Variants in NELL2 observed in about 807,000 individuals in gnomAD.
The protein encoded by NELL2 is neural EGFL like 2.
NELL2 carries 41 observed loss-of-function variants against 109.6 expected under a neutral mutation model. The ratio of observed to expected loss-of-function variants is 0.37; its 90% CI spans 0.29 to 0.49. NELL2 has a LOEUF of 0.49. NELL2 is among the 20% of genes least tolerant of loss of function. The pLI is 0.98. For synonymous variants in NELL2, 355 were observed against 344.7 expected, an observed-to-expected ratio of 1.03 and a Z score of -0.33; for missense variants, 900 against 1,008.3, an observed-to-expected ratio of 0.89 and a Z score of 1.45.
At chr12:44,918,977 A>T (rs1480344204), upstream of NELL2, among the ~76,000 whole-genome samples, 1 of 152,214 alleles carries the variant, frequency 6.6e-6, no homozygotes, top group Non-Finnish European at 1.5e-5. Flanking sequence ...CACAATTAAC[A>T]TGCTAAGAAT....
chr12:44,664,597 A>G (rs1947859210), intron 13 of NELL2, among the ~76,000 whole-genome samples: 1 of 152,256 alleles, frequency 6.6e-6, no homozygotes, highest in South Asian at 2.1e-4. Context: ...CCCTGAAAAC[A>G]TCTAGGTTTT....
At chr12:44,704,471 T>C (rs1270873099) in intron 11 of NELL2, among the ~76,000 whole-genome samples, 2 of 152,194 alleles carry the variant, frequency 1.3e-5, no homozygotes, top group Non-Finnish European at 2.9e-5. Context: ...TCAGAGTCTT[T>C]ATAAGAGAAA....
At chr12:44,825,466 T>G (rs1943681898) in intron 2 of NELL2, among the ~76,000 whole-genome samples, 1 of 138,754 alleles carries the variant, frequency 7.2e-6, no homozygotes, top group African/African-American at 2.6e-5. Context: ...TGCAATCTCA[T>G]CTCACTGCAA....
chr12:44,555,893 C>A (rs928657340), intron 15 of NELL2, among the ~76,000 whole-genome samples: 12 of 152,136 alleles, frequency 7.9e-5, no homozygotes, highest in Middle Eastern at 3.2e-3. Context: ...GATGTCTAGG[C>A]ACCAGGCACC....
At position 44,508,959 on chromosome 12, in the gene NELL2, T is replaced by C. The variant is rs1485331557; in HGVS notation, c.2426A>G (p.Asp809Gly). 1 of 1,612,838 alleles carries C rather than the reference T, an allele frequency of 6.2e-7. No homozygotes were observed. The highest frequency in any genetic ancestry group is 1.3e-5 in the African/African-American group (1 of 74,836). Reference sequence around the variant, plus strand: ...TCACAGTTCCTGAAGGCACTGTGGATCCACTGAGCAACAGATGTGGCCATT... The same window carrying C: ...TCACAGTTCCTGAAGGCACTGTGGACCCACTGAGCAACAGATGTGGCCATT... The part of the protein sequence containing the change: ...CKNGHICCSV[D>G]PQCLQEL Residue 809 changes from aspartate (D) to glycine (G), a missense_variant, in exon 20 of 20, where the codon GAT (aspartate) becomes GGT (glycine). By Grantham distance (94) the Asp-to-Gly change is moderately conservative. Transcript: ENST00000429094.
chr12:44,681,854 T>C (rs1324809793), intron 12 of NELL2, among the ~76,000 whole-genome samples: 1 of 151,722 alleles, frequency 6.6e-6, no homozygotes, highest in African/African-American at 2.4e-5. Flanking sequence ...TCTCTGCTAT[T>C]GTGAATAATG....
chr12:44,522,213 T>C, intron 17 of NELL2, 37 bp from the exon 18 acceptor site: 2 of 1,596,748 alleles, frequency 1.3e-6, no homozygotes, highest in Admixed American at 1.7e-5. Context: ...ACCAAAAACC[T>C]CCATTTCTCA....
chr12:44,604,816 T>C (rs1945338556), intron 15 of NELL2, among the ~76,000 whole-genome samples: 1 of 152,132 alleles, frequency 6.6e-6, no homozygotes, highest in Non-Finnish European at 1.5e-5. Context: ...ATCAGATTTG[T>C]GCTCTGTTAT....
At chr12:44,723,559 T>C (rs150640103) in intron 9 of NELL2, among the ~76,000 whole-genome samples, 3 of 152,304 alleles carry the variant, frequency 2.0e-5, no homozygotes, top group Admixed American at 6.5e-5. Flanking sequence ...GATTCCTTGA[T>C]TGTGCTTTAT....
chr12:44,545,319 G>T (rs930516900), intron 15 of NELL2, among the ~76,000 whole-genome samples: 1 of 152,018 alleles, frequency 6.6e-6, no homozygotes, highest in African/African-American at 2.4e-5. Context: ...TAGTCCCTCA[G>T]GTCATTTTTT....
At chr12:44,612,964 A>G (rs1945676979) in intron 13 of NELL2, among the ~76,000 whole-genome samples, 3 of 151,998 alleles carry the variant, frequency 2.0e-5, no homozygotes, top group Non-Finnish European at 4.4e-5. Context: ...ATTTACTCTC[A>G]TGGGTACTGA....
chr12:44,692,291 C>T (rs1431523714), intron 12 of NELL2, among the ~76,000 whole-genome samples: 5 of 152,106 alleles, frequency 3.3e-5, no homozygotes, highest in Admixed American at 2.6e-4. Flanking sequence ...AGATGACAGC[C>T]GCACATCTGT....
intron 1 of NELL2, among the ~76,000 whole-genome samples, chr12:44,920,120 G>A (rs140886726): frequency 1.0e-3 from 154 of 152,270 alleles, no homozygotes; most frequent in African/African-American, 3.6e-3. Context: ...GTTATGTAAT[G>A]TATGTTAATA....
At chr12:44,753,689 A>G (rs1940756061) in intron 9 of NELL2, among the ~76,000 whole-genome samples, 1 of 152,220 alleles carries the variant, frequency 6.6e-6, no homozygotes, top group Non-Finnish European at 1.5e-5. Flanking sequence ...TAAGATATAT[A>G]TATATAATCT....
At chr12:44,554,792 A>G (rs1943181253) in intron 15 of NELL2, among the ~76,000 whole-genome samples, 1 of 152,230 alleles carries the variant, frequency 6.6e-6, no homozygotes, top group South Asian at 2.1e-4. Flanking sequence ...CAAAGGAGCC[A>G]GAATTAGCCT....
intron 12 of NELL2, among the ~76,000 whole-genome samples, chr12:44,671,470 C>T (rs977473363): frequency 2.6e-5 from 4 of 151,614 alleles, no homozygotes; most frequent in African/African-American, 9.7e-5. Context: ...GACTATCAGA[C>T]AATACAAAGA....
intron 1 of NELL2, among the ~76,000 whole-genome samples, chr12:44,903,602 A>G (rs930705771): frequency 6.6e-6 from 1 of 152,160 alleles, no homozygotes; most frequent in Non-Finnish European, 1.5e-5. Context: ...TGTTTATTGC[A>G]GCACTATTCA....
chr12:44,625,656 A>C (rs553355222), intron 13 of NELL2, among the ~76,000 whole-genome samples: 1 of 152,142 alleles, frequency 6.6e-6, no homozygotes, highest in South Asian at 2.1e-4. Flanking sequence ...GAATGTTCTA[A>C]GAAGCTCCTG....
chr12:44,820,619 A>G (rs934709331), intron 2 of NELL2, among the ~76,000 whole-genome samples: 1 of 151,016 alleles, frequency 6.6e-6, no homozygotes. Flanking sequence ...AAAAAAAAAA[A>G]AAAGAAAAAG....
Sources: allele counts gnomAD v4.1 joint callset (sites outside exome capture counted in the v4.1 genomes callset), GRCh38; gene constraint gnomAD v4.1.1; transcripts MANE v1.5; gene names NCBI Gene and HGNC (gene_info 2026-07-23, HGNC 2026-07-21).